NMT2: variants seen among roughly 807,000 people sequenced by gnomAD.
The protein encoded by NMT2 is glycylpeptide N-tetradecanoyltransferase 2.
A neutral mutation model predicts 65.4 loss-of-function variants in NMT2; 35 were observed. The observed-to-expected ratio is 0.54, with a 90% CI of 0.41 to 0.71. NMT2 has a LOEUF of 0.71. Ranked by LOEUF, NMT2 falls within the 30% of genes least tolerant of loss-of-function variation. The pLI is 0.00. For missense variants in NMT2, 489 were observed against 611.3 expected, an observed-to-expected ratio of 0.80 and a Z score of 2.11; for synonymous variants, 226 against 231.8, an observed-to-expected ratio of 0.98 and a Z score of 0.23.
intron 1 of NMT2, chr10:15,154,848 T>C (rs1433713360): frequency 1.4e-5 from 11 of 782,902 alleles, no homozygotes; most frequent in Non-Finnish European, 2.5e-5. Flanking sequence ...GCTCTTGCCA[T>C]TCTTGGACCC....
At chr10:15,142,032 T>C (rs964518880) in intron 1 of NMT2, among the ~76,000 whole-genome samples, 1 of 152,180 alleles carries the variant, frequency 6.6e-6, no homozygotes, top group African/African-American at 2.4e-5. Flanking sequence ...CTAGGGGGGC[T>C]AACAATGAAA....
At chr10:15,162,522 G>C (rs1022490996) in intron 1 of NMT2, among the ~76,000 whole-genome samples, 2 of 151,778 alleles carry the variant, frequency 1.3e-5, no homozygotes, top group Non-Finnish European at 2.9e-5. Context: ...TCCATGTGTT[G>C]ATGACTGCCC....
intron 6 of NMT2, among the ~76,000 whole-genome samples, chr10:15,131,819 C>T (rs1846295639): frequency 6.6e-6 from 1 of 152,094 alleles, no homozygotes. Flanking sequence ...ACTAAAAGTG[C>T]AATGTATCCT....
intron 7 of NMT2, among the ~76,000 whole-genome samples, chr10:15,129,600 T>C (rs566307525): frequency 6.6e-6 from 1 of 152,194 alleles, no homozygotes; most frequent in African/African-American, 2.4e-5. Flanking sequence ...TGGTATGACA[T>C]TGGAATTTTA....
intron 1 of NMT2, among the ~76,000 whole-genome samples, chr10:15,157,048 C>T (rs1833027161): frequency 6.6e-6 from 1 of 152,060 alleles, no homozygotes; most frequent in Non-Finnish European, 1.5e-5. Context: ...TCCCCCTGCC[C>T]TCCCAAAAAA....
chr10:15,108,504 A>C lies in NMT2; in HGVS notation c.*691T>G. 1 of 985,734 alleles carries C rather than the reference A, an allele frequency of 1.0e-6. No homozygotes were observed. The highest frequency in any genetic ancestry group is 1.2e-6 in the Non-Finnish European group (1 of 830,176). 61.1% of individuals were successfully genotyped at this position (985,734 alleles called of 1,614,324 possible). Reference sequence around the variant, plus strand: ...CCGGCCTCAGGCTCTTTCAGAGAGCACAGTGAGTGCTTGCACAAAACTCTG... The same window carrying C: ...CCGGCCTCAGGCTCTTTCAGAGAGCCCAGTGAGTGCTTGCACAAAACTCTG... On this transcript the variant is annotated 3_prime_UTR_variant, in exon 12 of 12. Coordinates refer to ENST00000378165, the MANE Select transcript of NMT2 (RefSeq NM_004808.3).
chr10:15,136,641 G>C (rs1362058997), intron 2 of NMT2, among the ~76,000 whole-genome samples: 1 of 152,100 alleles, frequency 6.6e-6, no homozygotes, highest in Non-Finnish European at 1.5e-5. Context: ...ATCCTCTAGA[G>C]ACAAACTCTC....
intron 8 of NMT2, among the ~76,000 whole-genome samples, chr10:15,123,276 G>A (rs1018473733): frequency 9.2e-5 from 14 of 152,140 alleles, no homozygotes; most frequent in African/African-American, 3.1e-4. Context: ...GCCAGGCACG[G>A]TGGCTCACAC....
At chr10:15,157,039 C>T (rs958934764) in intron 1 of NMT2, among the ~76,000 whole-genome samples, 2 of 152,258 alleles carry the variant, frequency 1.3e-5, no homozygotes, top group Admixed American at 6.5e-5. Context: ...GAACAACTAT[C>T]CCCCTGCCCT....
At position 15,143,602 on chromosome 10, in the gene NMT2, A is replaced by C. The variant is rs529228509; in HGVS notation, c.111-2045T>G. On this transcript the variant is annotated intron_variant, in intron 1 of 11. Transcript: ENST00000378165. ...CCAGGCATGGTGGCTCACGCCTATA[A>C]TCCCAGCACTTTGGGGGTCCAAGGC... is the stretch of plus-strand genomic sequence containing the variant. 3.3e-5 allele frequency among the ~76,000 whole-genome samples: 5 copies of C among 152,358 alleles called. No individual in the cohort carries two copies. In the East Asian group the frequency reaches 9.6e-4, roughly 29 times the overall value.
At chr10:15,117,400 G>C (rs1845779721) in intron 9 of NMT2, among the ~76,000 whole-genome samples, 1 of 152,176 alleles carries the variant, frequency 6.6e-6, no homozygotes, top group Admixed American at 6.5e-5. Context: ...ACCTCAAATT[G>C]ATTAGGAGCA....
chr10:15,120,022 GA>G (rs1845873414), intron 8 of NMT2, among the ~76,000 whole-genome samples: 1 of 151,830 alleles, frequency 6.6e-6, no homozygotes, highest in Non-Finnish European at 1.5e-5. Flanking sequence ...AATATTCGGG[GA>G]AAAAAAACTG....
chr10:15,160,960 T>G (rs1031522934), intron 1 of NMT2, among the ~76,000 whole-genome samples: 3 of 151,132 alleles, frequency 2.0e-5, no homozygotes, highest in Admixed American at 6.6e-5. Context: ...CCAGGCACAG[T>G]GGCTCACACC....
intron 8 of NMT2, among the ~76,000 whole-genome samples, chr10:15,121,560 T>C (rs918768904): frequency 2.0e-5 from 3 of 152,234 alleles, no homozygotes; most frequent in African/African-American, 7.2e-5. Flanking sequence ...AGAGACAGGG[T>C]TTCACCACGT....
intron 2 of NMT2, chr10:15,139,885 AT>A (rs1846675840): frequency 1.0e-5 from 1 of 99,186 alleles, no homozygotes; most frequent in Admixed American, 9.5e-5. Flanking sequence ...ATATATATAT[AT>A]ATATATATAT....
intron 8 of NMT2, among the ~76,000 whole-genome samples, chr10:15,121,493 G>A (rs751896028): frequency 6.6e-6 from 1 of 152,150 alleles, no homozygotes. Flanking sequence ...TCAGGCTCCC[G>A]AGTAACTGGG....
intron 1 of NMT2, among the ~76,000 whole-genome samples, chr10:15,152,316 G>A (rs976566704): frequency 6.6e-6 from 1 of 152,188 alleles, no homozygotes; most frequent in African/African-American, 2.4e-5. Flanking sequence ...GGTCCACTCT[G>A]GGATGGTAGA....
At chr10:15,138,004 C>CTTCTTT (rs1554823722) in intron 2 of NMT2, among the ~76,000 whole-genome samples, 1 of 128,140 alleles carries the variant, frequency 7.8e-6, no homozygotes, top group Non-Finnish European at 1.6e-5. Context: ...TCTTCTTCTT[C>CTTCTTT]TTTTTTTTTT....
At chr10:15,119,743 A>G (rs1845861997) in intron 8 of NMT2, among the ~76,000 whole-genome samples, 2 of 152,220 alleles carry the variant, frequency 1.3e-5, no homozygotes, top group South Asian at 2.1e-4. Context: ...GGGTTAAAAT[A>G]TAGGCGAGAC....
Sources: allele counts gnomAD v4.1 joint callset (sites outside exome capture counted in the v4.1 genomes callset), GRCh38; gene constraint gnomAD v4.1.1; transcripts MANE v1.5; gene names NCBI Gene and HGNC (gene_info 2026-07-23, HGNC 2026-07-21).